The following ITGA9 variants were observed in gnomAD, a reference collection of about 807,000 sequenced individuals.
ITGA9 encodes integrin alpha-9.
In ITGA9, 56 loss-of-function variants were observed where a neutral mutation model predicts 127.8. The ratio of observed to expected loss-of-function variants is 0.44; its 90% confidence interval spans 0.35 to 0.55. The LOEUF (loss-of-function observed/expected upper bound fraction) is 0.55, where lower values mean the gene tolerates loss of function less well. Among genes scored for constraint, ITGA9 ranks in the 20% least tolerant of loss-of-function variants. ITGA9 has a pLI of 0.00. For missense variants in ITGA9, 1,196 were observed against 1,347.1 expected, an observed-to-expected ratio of 0.89 and a Z score of 1.76; for synonymous variants, 508 against 514.5, an observed-to-expected ratio of 0.99 and a Z score of 0.17.
Position 37,526,018 on chromosome 3 carries a change from A to G in ITGA9, c.1328-8A>G, listed in dbSNP as rs1699089481. 1 of 1,613,564 alleles carries G rather than the reference A, an allele frequency of 6.2e-7. No individual in the cohort carries two copies. Among genetic ancestry groups the G allele is most frequent in the African/African-American group, 1.3e-5 (1 of 74,974 alleles). On this transcript the variant is annotated splice_region_variant and splice_polypyrimidine_tract_variant and intron_variant, in intron 12 of 27. Coordinates refer to ENST00000264741, the MANE Select transcript of ITGA9 (RefSeq NM_002207.3). ...AGTTTCTGAACGCTGTAAACTTCTC[A>G]TTTTCAGATGTCACTGTTGGAGCCT...
rs1696214861 is a variant in ITGA9, at chr3:37,727,025, T to C, written c.2068-5687T>C. 2.6e-5 allele frequency among the ~76,000 whole-genome samples: 4 copies of C among 152,322 alleles called. No homozygotes were observed. In the South Asian group the frequency reaches 8.3e-4, roughly 32 times the overall value. On this transcript the variant is annotated intron_variant, in intron 18 of 27. Coordinates refer to ENST00000264741, the MANE Select transcript of ITGA9 (RefSeq NM_002207.3). Reference sequence around the variant, plus strand: ...ACATCATAGCTTAGCCTAGCCTACTTAAACATGCTTAGAACAGTTCCATTA... The same window carrying C: ...ACATCATAGCTTAGCCTAGCCTACTCAAACATGCTTAGAACAGTTCCATTA...
chr3:37,471,188 C>T lies in ITGA9; in HGVS notation c.313+54C>T. On this transcript the variant is annotated intron_variant, in intron 2 of 27. Coordinates refer to ENST00000264741, the MANE Select transcript of ITGA9 (RefSeq NM_002207.3). ...ATGGGTTCTGTACCCTTATACCTTG[C>T]TCTTCTTCTTCCCAGGATGGCCTGA... 8 of 1,601,022 alleles carry T rather than the reference C, an allele frequency of 5.0e-6. No homozygotes were observed. The South Asian group carries it at 8.8e-5, about 18-fold the overall frequency.
chr3:37,796,239 CA>C (rs969670488), intron 26 of ITGA9, among the ~76,000 whole-genome samples: 1 of 152,070 alleles, frequency 6.6e-6, no homozygotes, highest in Non-Finnish European at 1.5e-5. Flanking sequence ...AATGGCTCCT[CA>C]GGGAACTCTG....
intron 19 of ITGA9, among the ~76,000 whole-genome samples, chr3:37,734,335 A>T (rs1696332507): frequency 6.6e-6 from 1 of 152,268 alleles, no homozygotes; most frequent in Non-Finnish European, 1.5e-5. Context: ...TATGTGGCAC[A>T]TCTGCACACA....
chr3:37,452,452 C>T lies in ITGA9; in HGVS notation c.78C>T (p.Pro26=). The part of the protein sequence containing the change: ...LLLALVVAGI[P]AGAYNLDPQR... ...TGGCGCTGGTGGTCGCGGGGATCCC[C>T]GCGGGCGCCTACAACCTCGACCCGC... The change falls in exon 1 of 28, where the codon CCC becomes CCT. Residue 26 remains proline (P), a synonymous_variant. Coordinates refer to ENST00000264741, the MANE Select transcript of ITGA9 (RefSeq NM_002207.3). This position sits in a 1 kb window ranked among gnomAD's most constrained non-coding sequence, Gnocchi z 7.3. The T allele has an allele frequency of 1.3e-6, 2 of 1,487,180 alleles. No individual in the cohort carries two copies. Among genetic ancestry groups the T allele is most frequent in the Non-Finnish European group, 1.8e-6 (2 of 1,117,772 alleles). The allele number at this position is 1,487,180 out of a possible 1,614,324, so 92.1% of individuals were successfully genotyped here. A position where few individuals can be genotyped will look rare whatever the true frequency, so the allele number is the denominator to read the frequency against.
Position 37,780,538 on chromosome 3 carries a change from A to G in ITGA9, c.2787+517A>G, listed in dbSNP as rs79971444. Among the ~76,000 whole-genome samples, 187 of 42,386 alleles carry G rather than the reference A, an allele frequency of 4.4e-3. 2 individuals are homozygous for G. Among genetic ancestry groups the G allele is most frequent in the Admixed American group, 0.017 (63 of 3,762 alleles). 27.8% of individuals were successfully genotyped at this position (42,386 alleles called of 152,430 possible). ...TTCCATGGTGTGTGTGTGTGTGTAT[A>G]TATATATATATACCACATTTTCTAT... On this transcript the variant is annotated intron_variant, in intron 25 of 27. Coordinates refer to ENST00000264741, the MANE Select transcript of ITGA9 (RefSeq NM_002207.3).
At position 37,803,921 on chromosome 3, in the gene ITGA9, G is replaced by T; in HGVS notation, c.2988G>T (p.Leu996=). The part of the protein sequence containing the change: ...SLLVGILIFL[L]LAVLLWKMGF... ...TGGTGGGAATCCTCATCTTCCTGCT[G>T]CTGGCCGTGCTGCTCTGGAAGGTGA... The change falls in exon 27 of 28, where the codon CTG becomes CTT. Residue 996 remains leucine, a synonymous_variant. Coordinates refer to ENST00000264741, the MANE Select transcript of ITGA9 (RefSeq NM_002207.3). The T allele has an allele frequency of 6.2e-7, 1 of 1,614,186 alleles. No homozygotes were observed. The highest frequency in any genetic ancestry group is 8.5e-7 in the Non-Finnish European group (1 of 1,180,024).
At chr3:37,566,490 G>C (rs1036675371) in intron 15 of ITGA9, among the ~76,000 whole-genome samples, 3 of 152,184 alleles carry the variant, frequency 2.0e-5, no homozygotes, top group Admixed American at 6.5e-5. Context: ...ATTATCAAAA[G>C]TAGGAAACTG....
At chr3:37,686,635 C>T (rs958791784) in intron 18 of ITGA9, among the ~76,000 whole-genome samples, 1 of 152,076 alleles carries the variant, frequency 6.6e-6, no homozygotes, top group African/African-American at 2.4e-5. Context: ...CACAAGGAAC[C>T]CTAGGTTTCA....
rs554080191 is a variant in ITGA9 at position 37,649,052 on chromosome 3, C to T, written c.1840-4662C>T. 6.3e-5 allele frequency among the ~76,000 whole-genome samples: 9 copies of T among 143,712 alleles called. No homozygotes were observed. The East Asian group carries it at 1.8e-3, about 29-fold the overall frequency. The allele number at this position is 143,712 out of a possible 152,430, so 94.3% of individuals were successfully genotyped here. A position where few individuals can be genotyped will look rare whatever the true frequency, so the allele number is the denominator to read the frequency against. On this transcript the variant is annotated intron_variant, in intron 16 of 27. Coordinates refer to ENST00000264741, the MANE Select transcript of ITGA9 (RefSeq NM_002207.3). ...TTATTTCGTGTAAGCTCCTGGTAAC[C>T]ACCAAGAAAATACCTATGGAAGTTA...
At chr3:37,453,383 G>A (rs1698222181) in intron 1 of ITGA9, among the ~76,000 whole-genome samples, 1 of 152,158 alleles carries the variant, frequency 6.6e-6, no homozygotes, top group Non-Finnish European at 1.5e-5. Flanking sequence ...GCCTAAGAAG[G>A]GGGCAGCTCT....
intron 15 of ITGA9, among the ~76,000 whole-genome samples, chr3:37,620,617 C>T (rs956157724): frequency 3.3e-5 from 5 of 152,232 alleles, no homozygotes; most frequent in South Asian, 2.1e-4. Flanking sequence ...TGGACCCCCT[C>T]TGACCTTGAA....
At chr3:37,535,922 A>G (rs1234502346) in intron 14 of ITGA9, among the ~76,000 whole-genome samples, 1 of 152,208 alleles carries the variant, frequency 6.6e-6, no homozygotes, top group Non-Finnish European at 1.5e-5. Flanking sequence ...ATGTGCTGGC[A>G]GTGAAATGGA....
intron 3 of ITGA9, among the ~76,000 whole-genome samples, chr3:37,479,364 A>T (rs1698528165): frequency 6.6e-6 from 1 of 152,212 alleles, no homozygotes. Context: ...TGTTTTCTGT[A>T]GTTTAATGTC....
At chr3:37,700,428 A>G (rs1700934035) in intron 18 of ITGA9, among the ~76,000 whole-genome samples, 1 of 152,160 alleles carries the variant, frequency 6.6e-6, no homozygotes, top group South Asian at 2.1e-4. Context: ...ATCTTGGCTC[A>G]CTGCAACCTC....
At chr3:37,802,186 C>T (rs1011889410) in intron 26 of ITGA9, among the ~76,000 whole-genome samples, 9 of 152,120 alleles carry the variant, frequency 5.9e-5, no homozygotes, top group African/African-American at 1.9e-4. Flanking sequence ...GTGTGGAAGA[C>T]CTCATAGGGC....
At position 37,607,212 on chromosome 3, in the gene ITGA9, G is replaced by C. The variant is rs1699977183; in HGVS notation, c.1690-21975G>C. ...TTTGTCCATTTCCTTAGGAACATGA[G>C]TGTTTTTGGAAGGCCTTTGATGAGT... On this transcript the variant is annotated intron_variant, in intron 15 of 27. Transcript: ENST00000264741. Among the ~76,000 whole-genome samples, 3 of 152,136 alleles carry C rather than the reference G, an allele frequency of 2.0e-5. No individual in the cohort carries two copies. In the South Asian group the frequency reaches 6.2e-4, roughly 32 times the overall value.
At chr3:37,566,943 A>C (rs1311980768) in intron 15 of ITGA9, among the ~76,000 whole-genome samples, 1 of 152,190 alleles carries the variant, frequency 6.6e-6, no homozygotes, top group Non-Finnish European at 1.5e-5. Flanking sequence ...GTGACATTCC[A>C]TGTTGATGTA....
At chr3:37,632,061 T>C (rs1044911985) in intron 16 of ITGA9, among the ~76,000 whole-genome samples, 1 of 152,164 alleles carries the variant, frequency 6.6e-6, no homozygotes, top group African/African-American at 2.4e-5. Context: ...GTTTGAAATA[T>C]GAATGGACAA....
Sources: gnomAD v4.1 joint callset for allele counts (sites outside exome capture counted in the v4.1 genomes callset) on GRCh38, gnomAD v4.1.1 for gene constraint, Gnocchi (gnomAD v3.1) non-coding constraint, MANE v1.5 for transcripts, NCBI Gene and HGNC (gene_info 2026-07-23, HGNC 2026-07-21) for gene names.